FAM171B: variants seen among roughly 807,000 people sequenced by gnomAD.
The protein encoded by FAM171B is protein FAM171B.
Under a neutral mutation model 75.6 loss-of-function variants are expected in FAM171B, and 19 were observed. That is an observed-to-expected ratio of 0.25 (90% CI 0.18 to 0.37). The LOEUF (loss-of-function observed/expected upper bound fraction) is 0.37. FAM171B is among the 10% of genes least tolerant of loss of function. The probability of loss-of-function intolerance (pLI) is 1.00; values close to 1 mark genes in which losing one functional copy is unlikely to be tolerated. For synonymous variants in FAM171B, 367 were observed against 361.7 expected (o/e 1.01, Z -0.17); for missense variants, 848 against 982.4 (o/e 0.86, Z 1.83).
chr2:186,728,325 T>C (rs1690064229), intron 1 of FAM171B, among the ~76,000 whole-genome samples: 1 of 152,220 alleles, frequency 6.6e-6, no homozygotes, highest in African/African-American at 2.4e-5. Flanking sequence ...ACCTCCTTTA[T>C]TGTAATATCA....
At chr2:186,736,335 TCAAAC>T (rs1203242709) in intron 1 of FAM171B, among the ~76,000 whole-genome samples, 1 of 152,186 alleles carries the variant, frequency 6.6e-6, no homozygotes, top group Non-Finnish European at 1.5e-5. Context: ...TGGTTCACTT[TCAAAC>T]CTCTGCAACT....
At position 186,762,064 on chromosome 2, in the gene FAM171B, G is replaced by A. The variant is rs772837808; in HGVS notation, c.1722G>A (p.Met574Ile). The part of the protein sequence containing the change: ...RKGQLVYGQL[M>I]EPVNRENFTQ... ...GACAGTTAGTCTATGGCCAATTGAT[G>A]GAACCAGTAAATCGAGAGAACTTTA... The change falls in exon 8 of 8, where the codon ATG (methionine) becomes ATA (isoleucine). Residue 574 changes from methionine to isoleucine, a missense_variant. Met to Ile is a conservative substitution (Grantham distance 10, BLOSUM62 1). Around this residue, in one of 3 missense-constraint regions of FAM171B, gnomAD observed 665 missense variants for 729.0 expected, o/e 0.91. Coordinates refer to ENST00000304698, the MANE Select transcript of FAM171B (RefSeq NM_177454.4). This position sits in a 1 kb window ranked among gnomAD's most constrained non-coding sequence, Gnocchi z 4.0. 6.2e-7 allele frequency: 1 copy of A among 1,613,672 alleles called. No homozygotes were observed.
chr2:186,757,760 A>T (rs1574114347), intron 6 of FAM171B, among the ~76,000 whole-genome samples: 1 of 152,138 alleles, frequency 6.6e-6, no homozygotes, highest in Admixed American at 6.6e-5. Context: ...ACGGATACAG[A>T]TACACTCTCT....
intron 5 of FAM171B, among the ~76,000 whole-genome samples, chr2:186,753,587 G>T (rs7593018): frequency 0.32 from 48,471 of 151,946 alleles, 8,509 homozygotes; most frequent in South Asian, 0.41. Context: ...GATAATTTTT[G>T]TGTTTTTAAT....
chr2:186,750,861 A>G (rs918982359), intron 4 of FAM171B, among the ~76,000 whole-genome samples: 34 of 152,252 alleles, frequency 2.2e-4, no homozygotes, highest in African/African-American at 8.2e-4. Flanking sequence ...AGATTTATAA[A>G]AAATATTGAA....
rs1346013039 is a variant in FAM171B, at chr2:186,765,098, T to G, written c.*2275T>G. The G allele has an allele frequency of 6.6e-6, 1 of 152,042 alleles. No individual in the cohort carries two copies. Among genetic ancestry groups the G allele is most frequent in the African/African-American group, 2.4e-5 (1 of 41,438 alleles). 9.4% of individuals were successfully genotyped at this position (152,042 alleles called of 1,614,324 possible). A position where few individuals can be genotyped will look rare whatever the true frequency, so the allele number is the denominator to read the frequency against. Reference sequence around the variant, plus strand: ...AATTGGTAATTATAGGCAATTTATCTTTTCTAATGATCAAAAGAGTGTGAC... The same window carrying G: ...AATTGGTAATTATAGGCAATTTATCGTTTCTAATGATCAAAAGAGTGTGAC... On this transcript the variant is annotated 3_prime_UTR_variant, in exon 8 of 8. Coordinates refer to ENST00000304698, the MANE Select transcript of FAM171B (RefSeq NM_177454.4).
At chr2:186,713,192 C>T (rs552208894) in intron 1 of FAM171B, among the ~76,000 whole-genome samples, 31 of 152,220 alleles carry the variant, frequency 2.0e-4, no homozygotes, top group South Asian at 1.0e-3. Context: ...TTAAGGGAGG[C>T]GGGACTCAGG....
chr2:186,744,539 A>G (rs1690339196), intron 3 of FAM171B, among the ~76,000 whole-genome samples: 1 of 152,122 alleles, frequency 6.6e-6, no homozygotes, highest in African/African-American at 2.4e-5. Flanking sequence ...GATTTTTTTT[A>G]TCTTTGAGAC....
intron 1 of FAM171B, among the ~76,000 whole-genome samples, chr2:186,726,340 A>T (rs2105780744): frequency 6.6e-6 from 1 of 152,300 alleles, no homozygotes; most frequent in Middle Eastern, 3.4e-3. Context: ...GGGCTTAAGC[A>T]ATGAAAAGGA....
chr2:186,698,039 T>A (rs1689606707), intron 1 of FAM171B, among the ~76,000 whole-genome samples: 1 of 152,228 alleles, frequency 6.6e-6, no homozygotes, highest in Admixed American at 6.5e-5. Context: ...ACAGCTCTTA[T>A]TTCTCCATCT....
chr2:186,733,777 A>G (rs1346731738), intron 1 of FAM171B, among the ~76,000 whole-genome samples: 1 of 152,200 alleles, frequency 6.6e-6, no homozygotes, highest in Non-Finnish European at 1.5e-5. Context: ...TGTGGCTGGA[A>G]CAGGTGTACC....
chr2:186,751,186 T>C lies in FAM171B; in HGVS notation c.777T>C (p.Tyr259=). ...TTGCTGCAATATGTGTGAAAATATA[T>C]TCTGGAGGAAAAGAACTAAAGGTCA... is the stretch of plus-strand genomic sequence containing the variant. ...TPLAAICVKI[Y]SGGKELKVNG... is the part of the protein sequence containing the mutation. The change falls in exon 5 of 8, where the codon TAT becomes TAC. Residue 259 remains tyrosine, a synonymous_variant. Transcript: ENST00000304698. The C allele has an allele frequency of 6.2e-7, 1 of 1,611,448 alleles. No individual in the cohort carries two copies. The highest frequency in any genetic ancestry group is 8.5e-7 in the Non-Finnish European group (1 of 1,178,314).
chr2:186,694,102 A>AGCCCGCAGCCCTGGC lies in FAM171B; in HGVS notation c.-65_-51dup. On this transcript the variant is annotated 5_prime_UTR_variant, in exon 1 of 8. Coordinates refer to ENST00000304698, the MANE Select transcript of FAM171B (RefSeq NM_177454.4). ...GAGCGAGCGAGCGGGCGCTGCCAGGAGCCCGCAGCCCTGGCGCCCGCCGCC... is the reference window on the plus strand; with the variant it reads ...GAGCGAGCGAGCGGGCGCTGCCAGGAGCCCGCAGCCCTGGCGCCCGCAGCCCTGGCGCCCGCCGCC... 1.4e-6 allele frequency: 2 copies of AGCCCGCAGCCCTGGC among 1,392,380 alleles called. No individual in the cohort carries two copies. Among genetic ancestry groups the AGCCCGCAGCCCTGGC allele is most frequent in the South Asian group, 1.6e-5 (1 of 61,632 alleles). The allele number at this position is 1,392,380 out of a possible 1,614,324, so 86.3% of individuals were successfully genotyped here. A position where few individuals can be genotyped will look rare whatever the true frequency, so the allele number is the denominator to read the frequency against.
At chr2:186,724,707 C>T (rs1690005435) in intron 1 of FAM171B, among the ~76,000 whole-genome samples, 1 of 152,072 alleles carries the variant, frequency 6.6e-6, no homozygotes, top group Non-Finnish European at 1.5e-5. Flanking sequence ...ATTTGGATTT[C>T]AGAGAGAAGA....
At chr2:186,721,205 C>T (rs1156620057) in intron 1 of FAM171B, among the ~76,000 whole-genome samples, 1 of 152,138 alleles carries the variant, frequency 6.6e-6, no homozygotes, top group Non-Finnish European at 1.5e-5. Flanking sequence ...CTTCTCTGGA[C>T]TCCATCCATC....
At position 186,762,520 on chromosome 2, in the gene FAM171B, C is replaced by A; in HGVS notation, c.2178C>A (p.Phe726Leu). 2 of 1,613,526 alleles carry A rather than the reference C, an allele frequency of 1.2e-6. No homozygotes were observed. Among genetic ancestry groups the A allele is most frequent in the Non-Finnish European group, 1.7e-6 (2 of 1,179,730 alleles). The change falls in exon 8 of 8, where the codon TTC (phenylalanine) becomes TTA (leucine). Residue 726 changes from phenylalanine (F) to leucine (L), a missense_variant. This residue lies in a region of FAM171B where 136 missense variants were observed against 159.3 expected (regional missense o/e 0.85). Coordinates refer to ENST00000304698, the MANE Select transcript of FAM171B (RefSeq NM_177454.4). The surrounding 1 kb of genome is among the most constrained non-coding windows in gnomAD (Gnocchi z 4.0). ...SSRKLEREKT[F>L]IKSMHQPKIL... ...GAAAGCTCGAGAGGGAGAAAACATTCATCAAAAGCATGCATCAGCCCAAGA... is the reference window on the plus strand; with the variant it reads ...GAAAGCTCGAGAGGGAGAAAACATTAATCAAAAGCATGCATCAGCCCAAGA...
In FAM171B at chr2:186,694,243, C is replaced by G; in HGVS notation, c.70C>G (p.Arg24Gly). The change falls in exon 1 of 8, where the codon CGG (arginine) becomes GGG (glycine). Residue 24 changes from arginine to glycine, a missense_variant. Around this residue, in one of 3 missense-constraint regions of FAM171B, gnomAD observed 665 missense variants for 729.0 expected, o/e 0.91. Coordinates refer to ENST00000304698, the MANE Select transcript of FAM171B (RefSeq NM_177454.4). Reference sequence around the variant, plus strand: ...CCTGGCCGTGGTGCTGCTGAAAGCGCGGCTGGTCCCCGCGGCCGCCAGAGC... The same window carrying G: ...CCTGGCCGTGGTGCTGCTGAAAGCGGGGCTGGTCCCCGCGGCCGCCAGAGC... The part of the protein sequence containing the change: ...LGLAVVLLKA[R>G]LVPAAARAEL... 1 of 1,611,358 alleles carries G rather than the reference C, an allele frequency of 6.2e-7. No individual in the cohort carries two copies. Among genetic ancestry groups the G allele is most frequent in the Non-Finnish European group, 8.5e-7 (1 of 1,179,746 alleles).
intron 1 of FAM171B, among the ~76,000 whole-genome samples, chr2:186,724,177 G>A (rs961460940): frequency 5.3e-5 from 8 of 152,166 alleles, no homozygotes; most frequent in Non-Finnish European, 1.0e-4. Context: ...ATTGTCCTTG[G>A]CCGGCTTCTG....
intron 6 of FAM171B, among the ~76,000 whole-genome samples, chr2:186,757,763 C>T (rs60173504): frequency 5.1e-4 from 77 of 152,228 alleles, no homozygotes; most frequent in African/African-American, 1.8e-3. Context: ...GATACAGATA[C>T]ACTCTCTTGC....
Sources: allele counts gnomAD v4.1 joint callset (sites outside exome capture counted in the v4.1 genomes callset), GRCh38; gene constraint gnomAD v4.1.1; regional missense constraint gnomAD v4.1.1; non-coding constraint Gnocchi (gnomAD v3.1); transcripts MANE v1.5; gene names NCBI Gene and HGNC (gene_info 2026-07-23, HGNC 2026-07-21).